Variants in LARGE1 observed in about 807,000 individuals in gnomAD.
The protein encoded by LARGE1 is xylosyl- and glucuronyltransferase LARGE1.
LARGE1 carries 43 observed loss-of-function variants against 87.6 expected under a neutral mutation model. The observed-to-expected ratio is 0.49, with a 90% CI of 0.38 to 0.63. LARGE1 has a LOEUF of 0.63. Among genes scored for constraint, LARGE1 ranks in the 30% least tolerant of loss-of-function variants. The pLI, the probability that LARGE1 is intolerant of heterozygous loss-of-function variation, is 0.00. For synonymous variants in LARGE1, 434 were observed against 394.6 expected, an observed-to-expected ratio of 1.10 and a Z score of -1.18; for missense variants, 802 against 1,000.2, an observed-to-expected ratio of 0.80 and a Z score of 2.67.
At chr22:33,733,453 C>T (rs963472186) in intron 2 of LARGE1, 1 of 152,218 alleles carries the variant, frequency 6.6e-6, no homozygotes, top group Non-Finnish European at 1.5e-5. Flanking sequence ...AACTTTTTAA[C>T]ACATCCAGAG....
intron 10 of LARGE1, 64 bp downstream of exon 10, chr22:33,337,582 G>A (rs1452984992): frequency 2.5e-6 from 4 of 1,590,476 alleles, no homozygotes; most frequent in African/African-American, 1.3e-5. Flanking sequence ...CTGGCATGGG[G>A]GAGGTCCTTG....
chr22:33,818,210 A>T (rs2086714249), intron 1 of LARGE1, among the ~76,000 whole-genome samples: 1 of 152,174 alleles, frequency 6.6e-6, no homozygotes, highest in Non-Finnish European at 1.5e-5. Context: ...TGCCCCCTCA[A>T]GTCACTTACC....
intron 9 of LARGE1, among the ~76,000 whole-genome samples, chr22:33,347,571 C>T (rs567631176): frequency 1.3e-5 from 2 of 152,308 alleles, no homozygotes; most frequent in East Asian, 3.9e-4. Context: ...TAAGCTCCCG[C>T]TGTTATCCCC....
intron 13 of LARGE1, among the ~76,000 whole-genome samples, chr22:33,278,848 TG>T (rs1440127899): frequency 6.6e-6 from 1 of 152,232 alleles, no homozygotes; most frequent in Non-Finnish European, 1.5e-5. Flanking sequence ...GCCTCCCAAG[TG>T]GCTAGGACTA....
At chr22:33,635,433 C>T (rs572590253) in intron 3 of LARGE1, among the ~76,000 whole-genome samples, 18 of 152,280 alleles carry the variant, frequency 1.2e-4, no homozygotes, top group East Asian at 9.6e-4. Flanking sequence ...CTCTCAGACA[C>T]GGTGTTGTCC....
intron 9 of LARGE1, among the ~76,000 whole-genome samples, chr22:33,378,162 A>G (rs1226802725): frequency 1.3e-5 from 2 of 152,160 alleles, no homozygotes; most frequent in Non-Finnish European, 2.9e-5. Context: ...GTTTTTAAGA[A>G]TATTCTTCTA....
At position 33,466,012 on chromosome 22, in the gene LARGE1, C is replaced by A. The variant is rs983898195; in HGVS notation, c.788-33747G>T. ...ACTCGAAAAGTCTAGACATAAAAAC[C>A]CAAACTTACTGTGGTAGCCTATACG... is the stretch of plus-strand genomic sequence containing the variant. On this transcript the variant is annotated intron_variant, in intron 6 of 14. Transcript: ENST00000397394. Among the ~76,000 whole-genome samples, 8 of 152,266 alleles carry A rather than the reference C, an allele frequency of 5.3e-5. No homozygotes were observed. In the East Asian group the frequency reaches 1.5e-3, roughly 29 times the overall value.
chr22:33,794,327 A>C (rs887523345), intron 1 of LARGE1, among the ~76,000 whole-genome samples: 14 of 152,234 alleles, frequency 9.2e-5, no homozygotes, highest in Non-Finnish European at 1.5e-4. Flanking sequence ...GATCGCCCAG[A>C]CACCACCAAT....
chr22:33,229,653 A>G (rs940667505), intron 11 of LARGE1, among the ~76,000 whole-genome samples: 3 of 152,168 alleles, frequency 2.0e-5, no homozygotes, highest in African/African-American at 7.2e-5. Flanking sequence ...AGGTGCAAGG[A>G]CATATCTTAC....
chr22:33,680,297 G>A (rs1014675012), intron 2 of LARGE1, among the ~76,000 whole-genome samples: 4 of 152,194 alleles, frequency 2.6e-5, no homozygotes, highest in African/African-American at 7.2e-5. Flanking sequence ...CATGATCTAC[G>A]CCTGAACTTT....
chr22:33,147,355 T>C, the LARGE1 span, among the ~76,000 whole-genome samples: 1 of 152,184 alleles, frequency 6.6e-6, no homozygotes, highest in Non-Finnish European at 1.5e-5. Flanking sequence ...AACCAATTTA[T>C]ACCACCAACA....
intron 1 of LARGE1, among the ~76,000 whole-genome samples, chr22:33,899,711 A>ATTC (rs2065235484): frequency 6.6e-6 from 1 of 152,192 alleles, no homozygotes; most frequent in Admixed American, 6.5e-5. Context: ...TCAGCAAATG[A>ATTC]AGGAATGAAT....
intron 12 of LARGE1, among the ~76,000 whole-genome samples, chr22:33,284,114 T>C (rs1191785390): frequency 1.3e-5 from 2 of 151,718 alleles, no homozygotes; most frequent in Non-Finnish European, 2.9e-5. Flanking sequence ...CTCCCACATG[T>C]TTTCAGTGTG....
At chr22:33,666,094 G>C (rs1378566831) in intron 2 of LARGE1, among the ~76,000 whole-genome samples, 2 of 152,198 alleles carry the variant, frequency 1.3e-5, no homozygotes, top group East Asian at 3.8e-4. Flanking sequence ...CAACAAGCTG[G>C]GGATACCCTC....
At chr22:33,889,786 A>G (rs2064956328) in intron 1 of LARGE1, among the ~76,000 whole-genome samples, 1 of 152,254 alleles carries the variant, frequency 6.6e-6, no homozygotes. Flanking sequence ...GGAGAACTAA[A>G]TAAAAATGTA....
In LARGE1 at chr22:33,337,709, G is replaced by A. The variant is rs771369607; in HGVS notation, c.1224C>T (p.Asp408=). 8.7e-6 allele frequency: 14 copies of A among 1,613,976 alleles called. No homozygotes were observed. The highest frequency in any genetic ancestry group is 2.2e-5 in the East Asian group (1 of 44,882). ...ACAGTTCCCGCCTCAGAAGATTGCCGTCATACTCCAGGAAGGTCAGGTAGA... is the reference window on the plus strand; with the variant it reads ...ACAGTTCCCGCCTCAGAAGATTGCCATCATACTCCAGGAAGGTCAGGTAGA... The part of the protein sequence containing the change: ...RNLYLTFLEY[D]GNLLRRELFG... The change falls in exon 10 of 15, where the codon GAC becomes GAT. Residue 408 remains aspartate, a synonymous_variant. Coordinates refer to ENST00000397394, the MANE Select transcript of LARGE1 (RefSeq NM_133642.5).
intron 5 of LARGE1, among the ~76,000 whole-genome samples, chr22:33,595,586 C>G (rs752661163): frequency 6.6e-6 from 1 of 152,210 alleles, no homozygotes; most frequent in African/African-American, 2.4e-5. Context: ...AGGCTCCATA[C>G]ACTGTCATTT....
chr22:33,739,080 G>A (rs924834736), intron 2 of LARGE1, among the ~76,000 whole-genome samples: 2 of 151,868 alleles, frequency 1.3e-5, no homozygotes, highest in Non-Finnish European at 2.9e-5. Context: ...TCAGGCCTTA[G>A]TTTCCTTATT....
intron 1 of LARGE1, among the ~76,000 whole-genome samples, chr22:33,834,767 ATTT>A (rs1324939738): frequency 6.6e-6 from 1 of 152,232 alleles, no homozygotes; most frequent in Non-Finnish European, 1.5e-5. Flanking sequence ...TACTATAAAC[ATTT>A]AAGATGAACA....
Sources: allele counts gnomAD v4.1 joint callset (sites outside exome capture counted in the v4.1 genomes callset), GRCh38; gene constraint gnomAD v4.1.1; transcripts MANE v1.5; gene names NCBI Gene and HGNC (gene_info 2026-07-23, HGNC 2026-07-21).